Variants in ZBTB20 observed in about 807,000 individuals in gnomAD.
The protein encoded by ZBTB20 is zinc finger and BTB domain-containing protein 20.
A neutral mutation model predicts 56.9 loss-of-function variants in ZBTB20; 9 were observed. The observed-to-expected ratio is 0.16, with a 90% CI of 0.10 to 0.28. ZBTB20 has a LOEUF of 0.28. ZBTB20 is among the 10% of genes least tolerant of loss of function. ZBTB20 has a pLI of 1.00. For missense variants in ZBTB20, 655 were observed against 1,003.0 expected, an observed-to-expected ratio of 0.65 and a Z score of 4.69; for synonymous variants, 417 against 420.7, an observed-to-expected ratio of 0.99 and a Z score of 0.11.
At chr3:114,712,251 C>A (rs1438097722) in intron 5 of ZBTB20, among the ~76,000 whole-genome samples, 1 of 152,156 alleles carries the variant, frequency 6.6e-6, no homozygotes, top group East Asian at 1.9e-4. Context: ...CTATTTTCCA[C>A]AGTATACATG....
At chr3:114,862,847 T>C (rs761160390) in intron 4 of ZBTB20, among the ~76,000 whole-genome samples, 2 of 152,170 alleles carry the variant, frequency 1.3e-5, no homozygotes, top group African/African-American at 2.4e-5. Context: ...GAGATTTTAT[T>C]TGACCCAATA....
At position 114,536,349 on chromosome 3, in the gene ZBTB20, A is replaced by G. The variant is rs2048459094; in HGVS notation, c.-294-35958T>C. On this transcript the variant is annotated intron_variant, in intron 6 of 11. Transcript: ENST00000675478. ...AAATCACAAGTATTCCTATACACCA[A>G]TAACAGAGAGCCAAATCATGAGTGA... is the stretch of plus-strand genomic sequence containing the variant. 2.0e-5 allele frequency among the ~76,000 whole-genome samples: 3 copies of G among 151,130 alleles called. 1 individual carries two copies. The highest frequency in any genetic ancestry group is 4.5e-5 in the Non-Finnish European group (3 of 67,282).
Position 114,350,944 on chromosome 3 carries a change from G to T in ZBTB20, c.1134C>A (p.Gly378=). Residue 378 remains glycine, a synonymous_variant, in exon 11 of 12, where the codon GGC becomes GGA. Transcript: ENST00000675478. ...GCTCGGTGCCTATGGAGGAGCTGACGCCCGAGTCGAAGCTTTCACCTTTGG... is the reference window on the plus strand; with the variant it reads ...GCTCGGTGCCTATGGAGGAGCTGACTCCCGAGTCGAAGCTTTCACCTTTGG... The part of the protein sequence containing the change: ...SEPKGESFDS[G]VSSSIGTEPD... 1 of 1,605,880 alleles carries T rather than the reference G, an allele frequency of 6.2e-7. No individual in the cohort carries two copies.
intron 6 of ZBTB20, among the ~76,000 whole-genome samples, chr3:114,673,319 T>C (rs1388234082): frequency 1.3e-5 from 2 of 152,100 alleles, no homozygotes; most frequent in African/African-American, 4.8e-5. Flanking sequence ...TATGTGACTG[T>C]ACCTACCCCA....
intron 5 of ZBTB20, among the ~76,000 whole-genome samples, chr3:114,776,467 C>G (rs368430385): frequency 6.6e-6 from 1 of 152,082 alleles, no homozygotes; most frequent in East Asian, 1.9e-4. Flanking sequence ...CGGTAGTGGT[C>G]AGCAGAAGCT....
Position 115,057,952 on chromosome 3 carries a change from A to T in ZBTB20, c.-507+13267T>A, listed in dbSNP as rs1296324604. 2.0e-5 allele frequency among the ~76,000 whole-genome samples: 3 copies of T among 152,096 alleles called. No homozygotes were observed. In the South Asian group the frequency reaches 6.2e-4, roughly 31 times the overall value. ...CTGGGGTGGCCTCAGGAAACTTACA[A>T]TCATGATGGAAGAGGAGGCAAACAC... On this transcript the variant is annotated intron_variant, in intron 2 of 11. Coordinates refer to ENST00000675478, the MANE Select transcript of ZBTB20 (RefSeq NM_001348800.3).
intron 6 of ZBTB20, among the ~76,000 whole-genome samples, chr3:114,642,988 A>C (rs904449074): frequency 6.6e-6 from 1 of 152,104 alleles, no homozygotes; most frequent in African/African-American, 2.4e-5. Context: ...GCAAAATTTG[A>C]ATTAGACTTT....
chr3:114,728,932 C>T (rs1560178112), intron 5 of ZBTB20, among the ~76,000 whole-genome samples: 1 of 151,958 alleles, frequency 6.6e-6, no homozygotes, highest in Non-Finnish European at 1.5e-5. Flanking sequence ...AGTGTGGGGG[C>T]AGAGAGAATC....
chr3:114,330,582 G>T lies in ZBTB20; in HGVS notation c.*8423C>A, dbSNP rs527407213. The stretch of plus-strand genomic sequence containing the variant: ...TTTTCCAGTAAAAAGAAATACCTAT[G>T]GTTACAGTTACAGACTTCTTTTGGA... On this transcript the variant is annotated 3_prime_UTR_variant, in exon 12 of 12. Coordinates refer to ENST00000675478, the MANE Select transcript of ZBTB20 (RefSeq NM_001348800.3). The T allele has an allele frequency of 3.2e-4, 48 of 152,204 alleles. No individual in the cohort carries two copies. The highest frequency in any genetic ancestry group is 1.5e-3 in the Admixed American group (23 of 15,296). The allele number at this position is 152,204 out of a possible 1,614,324, so 9.4% of individuals were successfully genotyped here. A position where few individuals can be genotyped will look rare whatever the true frequency, so the allele number is the denominator to read the frequency against.
At chr3:114,595,964 T>G (rs1261835719) in intron 6 of ZBTB20, among the ~76,000 whole-genome samples, 3 of 152,226 alleles carry the variant, frequency 2.0e-5, no homozygotes, top group African/African-American at 7.2e-5. Flanking sequence ...ATTATTCAAT[T>G]TATAAATGGG....
chr3:114,675,909 C>T (rs992140637), intron 6 of ZBTB20, among the ~76,000 whole-genome samples: 2 of 151,968 alleles, frequency 1.3e-5, no homozygotes, highest in Non-Finnish European at 1.5e-5. Flanking sequence ...TTATTTAACT[C>T]TTAGATATAC....
At chr3:114,993,006 A>C (rs973007878) in intron 2 of ZBTB20, among the ~76,000 whole-genome samples, 1 of 151,960 alleles carries the variant, frequency 6.6e-6, no homozygotes, top group African/African-American at 2.4e-5. Flanking sequence ...AGAGAAAACA[A>C]CTTTCTTCAC....
chr3:114,986,208 T>G (rs1326663217), intron 2 of ZBTB20, among the ~76,000 whole-genome samples: 1 of 152,070 alleles, frequency 6.6e-6, no homozygotes, highest in Non-Finnish European at 1.5e-5. Context: ...ACCCCTCAGG[T>G]CACTCTTATC....
chr3:114,784,667 C>A (rs186650788), intron 5 of ZBTB20, among the ~76,000 whole-genome samples: 6 of 152,112 alleles, frequency 3.9e-5, no homozygotes, highest in Non-Finnish European at 5.9e-5. Flanking sequence ...TTCATAATTT[C>A]TATTAACTTG....
intron 4 of ZBTB20, among the ~76,000 whole-genome samples, chr3:114,805,202 T>C (rs1251362933): frequency 6.6e-6 from 1 of 151,906 alleles, no homozygotes; most frequent in East Asian, 1.9e-4. Context: ...ATTGACACAA[T>C]ACTATTAACT....
intron 8 of ZBTB20, among the ~76,000 whole-genome samples, chr3:114,387,007 C>A (rs1194689714): frequency 6.6e-6 from 1 of 152,110 alleles, no homozygotes; most frequent in Non-Finnish European, 1.5e-5. Context: ...CAGTGTCTGG[C>A]ACATAGTAAA....
intron 6 of ZBTB20, among the ~76,000 whole-genome samples, chr3:114,607,303 ATTT>A (rs34327675): frequency 8.1e-5 from 11 of 135,540 alleles, no homozygotes; most frequent in Non-Finnish European, 1.1e-4. Context: ...CTGTTCATTC[ATTT>A]TTTTTTTTTT....
chr3:114,688,404 A>AG (rs1660608295), intron 6 of ZBTB20: 1 of 151,544 alleles, frequency 6.6e-6, no homozygotes, highest in African/African-American at 2.4e-5. Flanking sequence ...AAAAAAAAAA[A>AG]GAAATTTGTA....
chr3:114,632,355 AC>A (rs905735749), intron 6 of ZBTB20, among the ~76,000 whole-genome samples: 2 of 151,932 alleles, frequency 1.3e-5, no homozygotes, highest in African/African-American at 4.8e-5. Flanking sequence ...ACACATGCAC[AC>A]CCCCCTCTCC....
Sources: allele counts gnomAD v4.1 joint callset (sites outside exome capture counted in the v4.1 genomes callset), GRCh38; gene constraint gnomAD v4.1.1; transcripts MANE v1.5; gene names NCBI Gene and HGNC (gene_info 2026-07-23, HGNC 2026-07-21).